CELF4: variants seen among roughly 807,000 people sequenced by gnomAD.
CELF4 encodes the protein CUG-BP- and ETR-3-like factor 4.
In CELF4, 18 loss-of-function variants were observed where a neutral mutation model predicts 59.9. The ratio of observed to expected loss-of-function variants is 0.30; its 90% CI spans 0.21 to 0.45. The LOEUF (loss-of-function observed/expected upper bound fraction) is 0.45. Among genes scored for constraint, CELF4 ranks in the 20% least tolerant of loss-of-function variants. CELF4 has a pLI of 1.00. For missense variants in CELF4, 456 were observed against 689.0 expected (o/e 0.66, Z 3.79); for synonymous variants, 261 against 267.1 (o/e 0.98, Z 0.22).
At chr18:37,310,572 T>C (rs2096608633) in intron 3 of CELF4, among the ~76,000 whole-genome samples, 2 of 152,122 alleles carry the variant, frequency 1.3e-5, no homozygotes, top group Non-Finnish European at 2.9e-5. Context: ...CAGATCCTCC[T>C]CCCCTCTGAA....
Position 37,494,590 on chromosome 18 carries a change from A to T in CELF4, c.287-8983T>A, listed in dbSNP as rs534201580. On this transcript the variant is annotated intron_variant, in intron 1 of 12. Transcript: ENST00000420428. Reference sequence around the variant, plus strand: ...TTGCCAGAGTGCTGTCATGTGCATGATCTCACCATTCTTACACCTCAGCAT... The same window carrying T: ...TTGCCAGAGTGCTGTCATGTGCATGTTCTCACCATTCTTACACCTCAGCAT... 1.6e-4 allele frequency among the ~76,000 whole-genome samples: 24 copies of T among 152,170 alleles called. No individual in the cohort carries two copies. The East Asian group carries it at 3.7e-3, about 23-fold the overall frequency.
chr18:37,545,491 G>T (rs2099980820), intron 1 of CELF4, among the ~76,000 whole-genome samples: 1 of 152,202 alleles, frequency 6.6e-6, no homozygotes, highest in African/African-American at 2.4e-5. Flanking sequence ...TGGACACATG[G>T]GCTAGGCTCA....
chr18:37,408,640 C>T (rs932198157), intron 2 of CELF4, among the ~76,000 whole-genome samples: 1 of 152,062 alleles, frequency 6.6e-6, no homozygotes, highest in African/African-American at 2.4e-5. Context: ...ACCCAGTTCT[C>T]GGCTCCTTTC....
At chr18:37,539,472 A>ACAC (rs2099976149) in intron 1 of CELF4, among the ~76,000 whole-genome samples, 13 of 106,748 alleles carry the variant, frequency 1.2e-4, no homozygotes, top group African/African-American at 5.8e-4. Context: ...CACACACACA[A>ACAC]ACACACACAC....
chr18:37,495,246 G>T (rs952461471), intron 1 of CELF4, among the ~76,000 whole-genome samples: 2 of 152,166 alleles, frequency 1.3e-5, no homozygotes, highest in African/African-American at 4.8e-5. Context: ...GCTCTCAGAG[G>T]CCTCCTTGGC....
At chr18:37,508,519 G>A (rs2099940710) in intron 1 of CELF4, among the ~76,000 whole-genome samples, 1 of 152,214 alleles carries the variant, frequency 6.6e-6, no homozygotes, top group Non-Finnish European at 1.5e-5. Flanking sequence ...AATAAGCATG[G>A]AGAGGCACCC....
chr18:37,378,240 C>T (rs375487540), intron 2 of CELF4, among the ~76,000 whole-genome samples: 5 of 152,164 alleles, frequency 3.3e-5, no homozygotes, highest in Non-Finnish European at 5.9e-5. Flanking sequence ...ACCCCAGGAG[C>T]GGAAGGTGCT....
intron 3 of CELF4, among the ~76,000 whole-genome samples, chr18:37,294,213 A>G (rs2095510929): frequency 1.3e-5 from 2 of 152,156 alleles, no homozygotes; most frequent in Admixed American, 1.3e-4. Context: ...TTTTGAATGT[A>G]TTACCCTTCA....
At position 37,321,792 on chromosome 18, in the gene CELF4, T is replaced by C; in HGVS notation, c.448+11A>G. On this transcript the variant is annotated intron_variant, in intron 3 of 12. Coordinates refer to ENST00000420428, the MANE Select transcript of CELF4 (RefSeq NM_020180.4). Reference sequence around the variant, plus strand: ...GGGGAGGGGGAGGGGCAGAGACAAGTGGGCCCTCACGTGAAGGGGGCTGGC... The same window carrying C: ...GGGGAGGGGGAGGGGCAGAGACAAGCGGGCCCTCACGTGAAGGGGGCTGGC... 1.3e-6 allele frequency: 2 copies of C among 1,596,444 alleles called. No homozygotes were observed. The highest frequency in any genetic ancestry group is 1.1e-5 in the South Asian group (1 of 89,768).
chr18:37,326,416 T>C (rs557885), intron 2 of CELF4, among the ~76,000 whole-genome samples: 126,414 of 152,156 alleles, frequency 0.83, 52,948 homozygotes, highest in East Asian at 0.97. Flanking sequence ...TCTCCACCAG[T>C]GCGCTGTCCT....
At chr18:37,513,956 G>A (rs2099947597) in intron 1 of CELF4, among the ~76,000 whole-genome samples, 1 of 94,192 alleles carries the variant, frequency 1.1e-5, no homozygotes, top group African/African-American at 6.1e-5. Flanking sequence ...GTGTGTGTGT[G>A]TGTGTGTGTG....
At chr18:37,297,661 T>C (rs1305670212) in intron 3 of CELF4, among the ~76,000 whole-genome samples, 1 of 152,228 alleles carries the variant, frequency 6.6e-6, no homozygotes, top group Non-Finnish European at 1.5e-5. Context: ...AGCATTTCCG[T>C]TTCCCCAGAA....
chr18:37,544,151 CCT>C (rs767266279), intron 1 of CELF4, among the ~76,000 whole-genome samples: 2 of 49,254 alleles, frequency 4.1e-5, no homozygotes, highest in African/African-American at 1.1e-4. Context: ...TCTTTTACTT[CCT>C]TTTTTTTTTT....
At chr18:37,360,579 T>G (rs1247922) in intron 2 of CELF4, among the ~76,000 whole-genome samples, 27 of 152,184 alleles carry the variant, frequency 1.8e-4, no homozygotes, top group Non-Finnish European at 7.3e-5. Context: ...GAGGCCCAGA[T>G]AGGTGAAATC....
chr18:37,253,625 A>G lies in CELF4; in HGVS notation c.*44+142T>C. The G allele has an allele frequency of 1.8e-6, 1 of 567,342 alleles. No individual in the cohort carries two copies. Among genetic ancestry groups the G allele is most frequent in the East Asian group, 3.5e-5 (1 of 28,750 alleles). The allele number at this position is 567,342 out of a possible 1,614,324, so 35.1% of individuals were successfully genotyped here. On this transcript the variant is annotated intron_variant, in intron 12 of 12. Coordinates refer to ENST00000420428, the MANE Select transcript of CELF4 (RefSeq NM_020180.4). This position sits in a 1 kb window ranked among gnomAD's most constrained non-coding sequence, Gnocchi z 4.5. ...CGGCAGCTCTGCGCCTGGCCCGAGG[A>G]GCAGGGCGAGGAGCAGGTTGAGCCG...
intron 2 of CELF4, among the ~76,000 whole-genome samples, chr18:37,331,121 C>T (rs765015937): frequency 2.0e-5 from 3 of 152,194 alleles, no homozygotes; most frequent in Non-Finnish European, 4.4e-5. Context: ...GCTCTTCACC[C>T]CTCTCCATTC....
At chr18:37,387,308 T>G (rs2099110098) in intron 2 of CELF4, among the ~76,000 whole-genome samples, 3 of 152,280 alleles carry the variant, frequency 2.0e-5, no homozygotes, top group African/African-American at 7.2e-5. Flanking sequence ...CCTTGCTCCC[T>G]CCCCAAACCA....
chr18:37,388,455 G>A (rs2099122909), intron 2 of CELF4, among the ~76,000 whole-genome samples: 1 of 145,036 alleles, frequency 6.9e-6, no homozygotes, highest in Admixed American at 7.0e-5. Flanking sequence ...CTTCTTCTCT[G>A]TCTTCCTCCT....
At chr18:37,518,835 C>A (rs114500426) in intron 1 of CELF4, among the ~76,000 whole-genome samples, 187 of 152,322 alleles carry the variant, frequency 1.2e-3, no homozygotes, top group African/African-American at 4.2e-3. Flanking sequence ...GTCTTCTTTG[C>A]CCTTTAAGAA....
Sources: allele counts gnomAD v4.1 joint callset (sites outside exome capture counted in the v4.1 genomes callset), GRCh38; gene constraint gnomAD v4.1.1; non-coding constraint Gnocchi (gnomAD v3.1); transcripts MANE v1.5; gene names NCBI Gene and HGNC (gene_info 2026-07-23, HGNC 2026-07-21).